The following VIRMA variants were observed in gnomAD, a reference collection of about 807,000 sequenced individuals.
VIRMA encodes the protein vir like m6A methyltransferase associated.
VIRMA carries 65 observed loss-of-function variants against 182.4 expected under a neutral mutation model. The ratio of observed to expected loss-of-function variants is 0.36; its 90% CI spans 0.29 to 0.44. The LOEUF is 0.44. Among genes scored for constraint, VIRMA ranks in the 20% least tolerant of loss-of-function variants. VIRMA has a pLI of 1.00. For synonymous variants in VIRMA, 709 were observed against 743.1 expected, an observed-to-expected ratio of 0.95 and a Z score of 0.75; for missense variants, 1,752 against 2,158.1, an observed-to-expected ratio of 0.81 and a Z score of 3.73.
rs1036368774 is a variant in VIRMA at position 94,507,701 on chromosome 8, C to T, written c.3880-984G>A. On this transcript the variant is annotated intron_variant, in intron 15 of 23. Coordinates refer to ENST00000297591, the MANE Select transcript of VIRMA (RefSeq NM_015496.5). ...CCCAGGAGGCGGAGGTTGCACTGAG[C>T]CAAGACTGTGCCACTGCACTCCAGT... Among the ~76,000 whole-genome samples, 148 of 151,894 alleles carry T rather than the reference C, an allele frequency of 9.7e-4. 4 individuals are homozygous for T. Among genetic ancestry groups the T allele is most frequent in the South Asian group, 4.1e-4 (2 of 4,822 alleles).
Position 94,494,871 on chromosome 8 carries a change from C to T in VIRMA, c.4630G>A (p.Asp1544Asn). Residue 1544 changes from aspartate to asparagine, a missense_variant, in exon 20 of 24, where the codon GAT becomes AAT. Around this residue, in one of 11 missense-constraint regions of VIRMA, gnomAD observed 777 missense variants for 920.6 expected, o/e 0.84. Coordinates refer to ENST00000297591, the MANE Select transcript of VIRMA (RefSeq NM_015496.5). ...TPFQAEEIDT[D>N]LDLVKVDLIE... ...GTAATAATTTATACCAAATCCAGAT[C>T]TGTATCTATCTCTTCAGCCTGAAAT... 2 of 1,562,752 alleles carry T rather than the reference C, an allele frequency of 1.3e-6. No homozygotes were observed. The highest frequency in any genetic ancestry group is 1.8e-6 in the Non-Finnish European group (2 of 1,138,948).
At chr8:94,492,386 C>T (rs944422011) in intron 21 of VIRMA, among the ~76,000 whole-genome samples, 3 of 151,610 alleles carry the variant, frequency 2.0e-5, no homozygotes, top group Non-Finnish European at 4.4e-5. Flanking sequence ...CGGGTTCACA[C>T]CATTCTCCTG....
intron 22 of VIRMA, among the ~76,000 whole-genome samples, chr8:94,491,041 C>T (rs980185915): frequency 2.6e-5 from 4 of 151,668 alleles, no homozygotes; most frequent in African/African-American, 7.3e-5. Flanking sequence ...AGGCTGAGCA[C>T]GGTGGTTCAT....
Position 94,519,377 on chromosome 8 carries a change from A to T in VIRMA, c.2121T>A (p.Val707=). ...HPGVLQATKD[V]LKFLAQSQKG... is the part of the protein sequence containing the mutation. ...TCTGTGACTGTGCAAGAAACTTCAAAACATCTTTTGTGGCTTGCAGCACAC... is the reference window on the plus strand; with the variant it reads ...TCTGTGACTGTGCAAGAAACTTCAATACATCTTTTGTGGCTTGCAGCACAC... The change falls in exon 9 of 24, where the codon GTT becomes GTA. Residue 707 remains valine, a synonymous_variant. Coordinates refer to ENST00000297591, the MANE Select transcript of VIRMA (RefSeq NM_015496.5). 1 of 1,574,310 alleles carries T rather than the reference A, an allele frequency of 6.4e-7. No individual in the cohort carries two copies. Among genetic ancestry groups the T allele is most frequent in the Non-Finnish European group, 8.6e-7 (1 of 1,164,822 alleles).
intron 20 of VIRMA, among the ~76,000 whole-genome samples, chr8:94,493,299 G>C (rs1813665494): frequency 6.6e-6 from 1 of 152,060 alleles, no homozygotes; most frequent in Non-Finnish European, 1.5e-5. Flanking sequence ...GTTTACTTAG[G>C]TTTTATTCAA....
chr8:94,508,567 C>T (rs1223756731), intron 15 of VIRMA, among the ~76,000 whole-genome samples: 1 of 152,014 alleles, frequency 6.6e-6, no homozygotes, highest in Non-Finnish European at 1.5e-5. Flanking sequence ...TAGGATGCCA[C>T]AGCGCTATTC....
chr8:94,545,571 A>G (rs1025412367), intron 1 of VIRMA, among the ~76,000 whole-genome samples: 1 of 152,190 alleles, frequency 6.6e-6, no homozygotes, highest in Non-Finnish European at 1.5e-5. Flanking sequence ...GGCTACAAAG[A>G]CAAGACATAA....
At chr8:94,552,027 G>T (rs1816005893) in intron 1 of VIRMA, among the ~76,000 whole-genome samples, 1 of 152,196 alleles carries the variant, frequency 6.6e-6, no homozygotes, top group Non-Finnish European at 1.5e-5. Flanking sequence ...GGCTCTTTCA[G>T]TTTTAACTGT....
rs1419900234 is a variant in VIRMA at position 94,495,844 on chromosome 8, T to C, written c.4431A>G (p.Val1477=). 6.2e-7 allele frequency: 1 copy of C among 1,613,728 alleles called. No homozygotes were observed. Among genetic ancestry groups the C allele is most frequent in the East Asian group, 2.2e-5 (1 of 44,886 alleles). ...DDNLDSLLDS[V]VGLKQMLESS... is the part of the protein sequence containing the mutation. ...ACTCCAGCATCTGCTTAAGTCCAACTACACTGTCCAACAAAGAATCCAGAT... is the reference window on the plus strand; with the variant it reads ...ACTCCAGCATCTGCTTAAGTCCAACCACACTGTCCAACAAAGAATCCAGAT... The change falls in exon 19 of 24, where the codon GTA becomes GTG. Residue 1477 remains valine (V), a synonymous_variant. Coordinates refer to ENST00000297591, the MANE Select transcript of VIRMA (RefSeq NM_015496.5).
chr8:94,513,065 T>C (rs1814431264), intron 11 of VIRMA, among the ~76,000 whole-genome samples: 1 of 152,176 alleles, frequency 6.6e-6, no homozygotes, highest in Non-Finnish European at 1.5e-5. Flanking sequence ...GGGCTGGGTG[T>C]GGTGGCTCAT....
At chr8:94,515,085 C>A in intron 10 of VIRMA, 134 bp from the exon 11 acceptor site, 3 of 452,212 alleles carry the variant, frequency 6.6e-6, no homozygotes, top group Non-Finnish European at 7.8e-6. Flanking sequence ...CAGGGATGGA[C>A]ATGCATCTAA....
rs1440982 is a variant in VIRMA at position 94,543,424 on chromosome 8, A to T, written c.179+403T>A. ...CTCAAAAAAAAAAAAAAAAAAAAAAAGGAGTAATAATAATAATAATAATAG... is the reference window on the plus strand; with the variant it reads ...CTCAAAAAAAAAAAAAAAAAAAAAATGGAGTAATAATAATAATAATAATAG... On this transcript the variant is annotated intron_variant, in intron 2 of 23. Coordinates refer to ENST00000297591, the MANE Select transcript of VIRMA (RefSeq NM_015496.5). Among the ~76,000 whole-genome samples, 5 of 147,122 alleles carry T rather than the reference A, an allele frequency of 3.4e-5. No homozygotes were observed. In the South Asian group the frequency reaches 1.1e-3, roughly 32 times the overall value.
In VIRMA at chr8:94,511,643, T is replaced by C. The variant is rs1205176916; in HGVS notation, c.2932A>G (p.Lys978Glu). The stretch of plus-strand genomic sequence containing the variant: ...GGCTGAGTCAGAATACTGTTCAATT[T>C]TTGCAGAACTCGAATAAACGTGTCC... Reference protein sequence around the residue: ...GMDTFIRVLQKLNSILTQPWR... With the variant: ...GMDTFIRVLQELNSILTQPWR... Residue 978 changes from lysine (K) to glutamate (E), a missense_variant, in exon 13 of 24, where the codon AAA becomes GAA. Lys to Glu is a moderately conservative substitution (Grantham distance 56). Transcript: ENST00000297591. 6.2e-7 allele frequency: 1 copy of C among 1,614,106 alleles called. No homozygotes were observed. Among genetic ancestry groups the C allele is most frequent in the South Asian group, 1.1e-5 (1 of 91,082 alleles).
chr8:94,521,271 G>A (rs1290544145), intron 8 of VIRMA, among the ~76,000 whole-genome samples: 1 of 152,020 alleles, frequency 6.6e-6, no homozygotes, highest in East Asian at 1.9e-4. Context: ...TGTTCTCACC[G>A]TTCAGCTCCC....
intron 2 of VIRMA, among the ~76,000 whole-genome samples, chr8:94,541,291 T>C (rs908448637): frequency 6.6e-6 from 1 of 151,888 alleles, no homozygotes; most frequent in African/African-American, 2.4e-5. Context: ...CCAACTAATT[T>C]TTAAATTTTT....
intron 15 of VIRMA, 122 bp from the exon 16 acceptor site, chr8:94,506,839 G>T: frequency 1.6e-6 from 1 of 614,210 alleles, no homozygotes; most frequent in Non-Finnish European, 2.8e-6. Context: ...TGTTGCTACT[G>T]TCCCATCCCA....
chr8:94,500,276 G>C (rs533272923), intron 16 of VIRMA, among the ~76,000 whole-genome samples: 240 of 152,242 alleles, frequency 1.6e-3, no homozygotes, highest in Non-Finnish European at 2.9e-3. Context: ...GTGCACGCCT[G>C]TAATCCCAGC....
chr8:94,553,036 A>G (rs1186599769), intron 1 of VIRMA, among the ~76,000 whole-genome samples: 12 of 152,134 alleles, frequency 7.9e-5, no homozygotes, highest in Admixed American at 7.9e-4. Context: ...CTACTGTCAA[A>G]CACTACTGGC....
intron 9 of VIRMA, 145 bp downstream of exon 9, chr8:94,518,840 T>G: frequency 1.3e-6 from 1 of 760,020 alleles, no homozygotes; most frequent in Non-Finnish European, 2.1e-6. Context: ...TTTCTGTCAC[T>G]CTAACCTTTA....
Sources: gnomAD v4.1 joint callset for allele counts (sites outside exome capture counted in the v4.1 genomes callset) on GRCh38, gnomAD v4.1.1 for gene constraint, gnomAD v4.1.1 regional missense constraint, MANE v1.5 for transcripts, NCBI Gene and HGNC (gene_info 2026-07-23, HGNC 2026-07-21) for gene names.